Variants in SLIT3 observed in about 807,000 individuals in gnomAD.
The protein encoded by SLIT3 is slit guidance ligand 3, also known as slit homolog 3 protein.
A neutral mutation model predicts 184.0 loss-of-function variants in SLIT3; 68 were observed. The observed-to-expected ratio is 0.37, with a 90% CI of 0.30 to 0.45. The LOEUF (loss-of-function observed/expected upper bound fraction) is 0.45, where lower values mean the gene tolerates loss of function less well. Among genes scored for constraint, SLIT3 ranks in the 20% least tolerant of loss-of-function variants. SLIT3 has a pLI of 1.00. For missense variants in SLIT3, 1,707 were observed against 2,026.0 expected (o/e 0.84, Z 3.02); for synonymous variants, 831 against 828.6 (o/e 1.00, Z -0.05).
chr5:169,138,820 G>A (rs1405170258), intron 4 of SLIT3, among the ~76,000 whole-genome samples: 1 of 152,228 alleles, frequency 6.6e-6, no homozygotes, highest in Non-Finnish European at 1.5e-5. Context: ...TGCGAGTCAA[G>A]CAAGTGCTTC....
intron 14 of SLIT3, among the ~76,000 whole-genome samples, chr5:168,763,516 G>A (rs150089098): frequency 5.3e-5 from 8 of 152,264 alleles, no homozygotes; most frequent in Non-Finnish European, 1.0e-4. Context: ...TATAGTGAAA[G>A]GCACGTTCTG....
At chr5:168,801,137 G>C (rs1460738402) in intron 9 of SLIT3, among the ~76,000 whole-genome samples, 2 of 151,882 alleles carry the variant, frequency 1.3e-5, no homozygotes, top group African/African-American at 2.4e-5. Flanking sequence ...CAGTCACTCT[G>C]TCTGATCAGC....
At position 168,748,363 on chromosome 5, in the gene SLIT3, G is replaced by C; in HGVS notation, c.2209C>G (p.Arg737Gly). ...EQCTCMETVVRCSNKGLRALP... is the reference protein window; with the variant it reads ...EQCTCMETVVGCSNKGLRALP... ...GCGCGGAGCCCCTTGTTGCTGCATC[G>C]CACCACTGTCTCCATACAGGTGCAC... is the stretch of plus-strand genomic sequence containing the variant. Residue 737 changes from arginine to glycine, a missense_variant, in exon 20 of 36, where the codon CGA (arginine) becomes GGA (glycine). Coordinates refer to ENST00000519560, the MANE Select transcript of SLIT3 (RefSeq NM_003062.4). 1 of 1,506,976 alleles carries C rather than the reference G, an allele frequency of 6.6e-7. No individual in the cohort carries two copies. The highest frequency in any genetic ancestry group is 8.8e-7 in the Non-Finnish European group (1 of 1,136,918). 93.4% of individuals were successfully genotyped at this position (1,506,976 alleles called of 1,614,324 possible). A position where few individuals can be genotyped will look rare whatever the true frequency, so the allele number is the denominator to read the frequency against.
At chr5:168,886,956 C>T (rs4616917) in intron 4 of SLIT3, among the ~76,000 whole-genome samples, 50,250 of 151,956 alleles carry the variant, frequency 0.33, 8,905 homozygotes, top group East Asian at 0.59. Context: ...ATCCCCCTTC[C>T]AGCCACCCTC....
chr5:168,972,337 A>ATGTATG (rs1754603965), intron 4 of SLIT3, among the ~76,000 whole-genome samples: 2 of 118,250 alleles, frequency 1.7e-5, no homozygotes, highest in Non-Finnish European at 3.3e-5. Context: ...GCAGGACAAC[A>ATGTATG]TGTGTGTGTG....
At chr5:169,083,136 T>C (rs1009434333) in intron 4 of SLIT3, among the ~76,000 whole-genome samples, 4 of 152,230 alleles carry the variant, frequency 2.6e-5, no homozygotes, top group African/African-American at 7.2e-5. Context: ...AGAAGCGGAA[T>C]GGATCACACA....
At chr5:168,690,839 T>A (rs1761886324) in intron 29 of SLIT3, among the ~76,000 whole-genome samples, 1 of 152,096 alleles carries the variant, frequency 6.6e-6, no homozygotes, top group Admixed American at 6.5e-5. Context: ...GGTGATGAGA[T>A]CTAGGCTTGT....
intron 3 of SLIT3, among the ~76,000 whole-genome samples, chr5:169,227,728 T>G (rs1362151008): frequency 6.6e-6 from 1 of 152,136 alleles, no homozygotes; most frequent in Non-Finnish European, 1.5e-5. Context: ...GCCCAGACCT[T>G]TCTCATTATT....
chr5:169,189,036 C>T (rs550157881), intron 4 of SLIT3, among the ~76,000 whole-genome samples: 13 of 152,220 alleles, frequency 8.5e-5, no homozygotes, highest in East Asian at 3.9e-4. Context: ...ACCCAAGCAT[C>T]GTAGAGACCT....
chr5:168,676,121 A>G (rs749497573), intron 32 of SLIT3, among the ~76,000 whole-genome samples: 9 of 150,898 alleles, frequency 6.0e-5, no homozygotes, highest in Non-Finnish European at 8.8e-5. Flanking sequence ...CCATCTACCT[A>G]TCCATCTCTC....
At chr5:169,058,125 G>A (rs1363655101) in intron 4 of SLIT3, among the ~76,000 whole-genome samples, 1 of 152,242 alleles carries the variant, frequency 6.6e-6, no homozygotes, top group Non-Finnish European at 1.5e-5. Flanking sequence ...CTGTGTTCTT[G>A]CACGGAAGGT....
intron 1 of SLIT3, among the ~76,000 whole-genome samples, chr5:169,254,550 G>C (rs1765886963): frequency 6.6e-6 from 1 of 152,040 alleles, no homozygotes; most frequent in Non-Finnish European, 1.5e-5. Flanking sequence ...TTGAACTTGA[G>C]CAGGCTTTGA....
At chr5:169,204,787 A>G (rs553489650) in intron 3 of SLIT3, among the ~76,000 whole-genome samples, 1 of 152,248 alleles carries the variant, frequency 6.6e-6, no homozygotes, top group South Asian at 2.1e-4. Flanking sequence ...CCAGGGAGAG[A>G]TGAGGAGGTA....
At chr5:168,752,548 C>T (rs1021731935) in intron 18 of SLIT3, 3 of 181,580 alleles carry the variant, frequency 1.7e-5, no homozygotes, top group Non-Finnish European at 3.5e-5. Context: ...ATACTCACCA[C>T]CATAACTGGC....
At chr5:168,803,254 A>G (rs544378252) in intron 9 of SLIT3, among the ~76,000 whole-genome samples, 358 of 152,358 alleles carry the variant, frequency 2.3e-3, no homozygotes, top group African/African-American at 8.4e-3. Flanking sequence ...ATTTTTAAAA[A>G]CGATGATAAC....
intron 27 of SLIT3, among the ~76,000 whole-genome samples, chr5:168,699,264 C>T (rs1008251387): frequency 4.6e-5 from 7 of 152,190 alleles, no homozygotes; most frequent in Middle Eastern, 3.2e-3. Flanking sequence ...GGAAGAGAAC[C>T]GGGAGCCTGG....
chr5:169,124,229 A>C (rs1396964336), intron 4 of SLIT3, among the ~76,000 whole-genome samples: 1 of 152,210 alleles, frequency 6.6e-6, no homozygotes. Flanking sequence ...CATTGCTTAC[A>C]AAAGTATCTT....
intron 5 of SLIT3, among the ~76,000 whole-genome samples, chr5:168,863,901 G>A (rs1019282794): frequency 2.0e-5 from 3 of 152,116 alleles, no homozygotes; most frequent in African/African-American, 4.8e-5. Flanking sequence ...CTATGAATTT[G>A]TCCACAAATA....
At chr5:168,880,237 C>T (rs1039597) in intron 5 of SLIT3, among the ~76,000 whole-genome samples, 48,620 of 152,104 alleles carry the variant, frequency 0.32, 8,251 homozygotes, top group Non-Finnish European at 0.37. Context: ...CCCCGGTTCC[C>T]CTTCCAGAAC....
Sources: gnomAD v4.1 joint callset for allele counts (sites outside exome capture counted in the v4.1 genomes callset) on GRCh38, gnomAD v4.1.1 for gene constraint, MANE v1.5 for transcripts, NCBI Gene and HGNC (gene_info 2026-07-23, HGNC 2026-07-21) for gene names.